Variants in PRKCH observed in about 807,000 individuals in gnomAD.
The protein encoded by PRKCH is protein kinase C eta type.
In PRKCH, 28 loss-of-function variants were observed where a neutral mutation model predicts 82.5. The observed-to-expected ratio is 0.34, with a 90% CI of 0.25 to 0.47. The LOEUF is 0.47. PRKCH is among the 20% of genes least tolerant of loss of function. The pLI is 1.00. For synonymous variants in PRKCH, 322 were observed against 327.4 expected (o/e 0.98, Z 0.18); for missense variants, 705 against 881.8 (o/e 0.80, Z 2.54).
intron 1 of PRKCH, among the ~76,000 whole-genome samples, chr14:61,386,009 C>T (rs886949733): frequency 5.9e-5 from 9 of 152,198 alleles, no homozygotes; most frequent in Admixed American, 4.6e-4. Flanking sequence ...CCAGAAAGAT[C>T]ACATACCCCA....
rs2045250410 is a variant in PRKCH, at chr14:61,280,591, T to C, written c.-19+92923T>C. The C allele has an allele frequency of 6.3e-7, 1 of 1,595,866 alleles. No homozygotes were observed. Among genetic ancestry groups the C allele is most frequent in the Non-Finnish European group, 8.5e-7 (1 of 1,171,542 alleles). On this transcript the variant is annotated intron_variant, in intron 1 of 3. Transcript: ENST00000555185. The surrounding 1 kb of genome is among the most constrained non-coding windows in gnomAD (Gnocchi z 5.0). Reference sequence around the variant, plus strand: ...GGAGCGGTCGAGCGGCACCTCGACGTAGGGCCCGCCGGGCTGGCGCTGGTG... The same window carrying C: ...GGAGCGGTCGAGCGGCACCTCGACGCAGGGCCCGCCGGGCTGGCGCTGGTG...
At chr14:61,248,748 T>TTATG (rs57245411) in intron 1 of PRKCH, among the ~76,000 whole-genome samples, 7 of 141,920 alleles carry the variant, frequency 4.9e-5, no homozygotes, top group African/African-American at 1.6e-4. Flanking sequence ...TTCAATGGTT[T>TTATG]TATGTATGTA....
At chr14:61,453,775 TC>T (rs1884631058) in intron 7 of PRKCH, among the ~76,000 whole-genome samples, 1 of 152,050 alleles carries the variant, frequency 6.6e-6, no homozygotes, top group Non-Finnish European at 1.5e-5. Context: ...TACCTCAGTC[TC>T]CCAAGTAGGT....
chr14:61,275,665 T>A (rs1053706657), intron 1 of PRKCH, among the ~76,000 whole-genome samples: 19 of 152,202 alleles, frequency 1.2e-4, no homozygotes, highest in African/African-American at 4.3e-4. Context: ...GTCCTGGTGG[T>A]GAGCCATGCC....
intron 1 of PRKCH, among the ~76,000 whole-genome samples, chr14:61,210,111 A>ATATATATATAT (rs2044559213): frequency 1.1e-5 from 1 of 87,362 alleles, no homozygotes; most frequent in Non-Finnish European, 2.5e-5. Flanking sequence ...CAAACAAACA[A>ATATATATATAT]ATATATATAT....
chr14:61,355,557 A>T (rs2046137014), intron 1 of PRKCH, among the ~76,000 whole-genome samples: 1 of 151,896 alleles, frequency 6.6e-6, no homozygotes, highest in Non-Finnish European at 1.5e-5. Flanking sequence ...ATGATCATCA[A>T]ATAAATATTT....
chr14:61,438,225 T>G lies in PRKCH; in HGVS notation c.428-4886T>G, dbSNP rs749344350. On this transcript the variant is annotated intron_variant, in intron 2 of 13. Transcript: ENST00000332981. ...CACAGCCTCAACCACCAAACTCTCT[T>G]GTCTGTCGTCATATAGAAGGCTGTT... is the stretch of plus-strand genomic sequence containing the variant. Among the ~76,000 whole-genome samples, 97 of 152,238 alleles carry G rather than the reference T, an allele frequency of 6.4e-4. 1 individual carries two copies. The highest frequency in any genetic ancestry group is 3.4e-3 in the Middle Eastern group (1 of 294).
At chr14:61,287,825 G>A (rs1421372340) in intron 1 of PRKCH, among the ~76,000 whole-genome samples, 1 of 152,074 alleles carries the variant, frequency 6.6e-6, no homozygotes, top group African/African-American at 2.4e-5. Context: ...TGTCTGTGGA[G>A]CCAGCCAATC....
chr14:61,435,631 A>C (rs1217343821), intron 2 of PRKCH, among the ~76,000 whole-genome samples: 1 of 152,186 alleles, frequency 6.6e-6, no homozygotes, highest in Admixed American at 6.5e-5. Flanking sequence ...GCTTGAGTCC[A>C]GAAGCTGTTT....
chr14:61,323,509 T>A (rs1243251624), intron 1 of PRKCH, among the ~76,000 whole-genome samples: 1 of 152,196 alleles, frequency 6.6e-6, no homozygotes, highest in Non-Finnish European at 1.5e-5. Flanking sequence ...TTGAACCCAA[T>A]ATCAGTATTG....
In PRKCH at chr14:61,440,499, C is replaced by G. The variant is rs10136457; in HGVS notation, c.428-2612C>G. ...GGTGTCTTGGCCAAATTCATTTGGA[C>G]TCTTTCTGCATTTCACTCTTTGAGA... On this transcript the variant is annotated intron_variant, in intron 2 of 13. Transcript: ENST00000332981. Among the ~76,000 whole-genome samples the G allele has an allele frequency of 5.6e-3, 851 of 152,340 alleles. 6 individuals carry two copies. Among genetic ancestry groups the G allele is most frequent in the African/African-American group, 0.02 (813 of 41,576 alleles).
rs2352087 is a variant in PRKCH, at chr14:61,417,748, T to C, written c.428-25363T>C. On this transcript the variant is annotated intron_variant, in intron 2 of 13. Coordinates refer to ENST00000332981, the MANE Select transcript of PRKCH (RefSeq NM_006255.5). ...AATGGTCCTAATAGACTGTTTCCTTTAAAAAAAGAAAGAAAGAGGAGCCTG... is the reference window on the plus strand; with the variant it reads ...AATGGTCCTAATAGACTGTTTCCTTCAAAAAAAGAAAGAAAGAGGAGCCTG... 3.3e-3 allele frequency among the ~76,000 whole-genome samples: 497 copies of C among 152,252 alleles called. 2 individuals are homozygous for C. The highest frequency in any genetic ancestry group is 0.012 in the African/African-American group (485 of 41,534).
chr14:61,493,067 A>G (rs990525763), intron 10 of PRKCH, among the ~76,000 whole-genome samples: 3 of 152,208 alleles, frequency 2.0e-5, no homozygotes, highest in African/African-American at 7.2e-5. Context: ...AGGCTAGAGG[A>G]GGCTGCAGAA....
Position 61,462,158 on chromosome 14 carries a change from G to A in PRKCH, c.1278+4479G>A, listed in dbSNP as rs574409804. Among the ~76,000 whole-genome samples, 6 of 152,334 alleles carry A rather than the reference G, an allele frequency of 3.9e-5. No homozygotes were observed. The South Asian group carries it at 8.3e-4, about 21-fold the overall frequency. On this transcript the variant is annotated intron_variant, in intron 9 of 13. Transcript: ENST00000332981. ...GGCGCAGGCAGCACTTTGGGAGGCC[G>A]AGGTGGGGCAATCACTTGAGCCTAA... is the stretch of plus-strand genomic sequence containing the variant.
At chr14:61,218,095 A>G (rs368605749) in intron 1 of PRKCH, among the ~76,000 whole-genome samples, 4 of 152,102 alleles carry the variant, frequency 2.6e-5, no homozygotes, top group Non-Finnish European at 5.9e-5. Flanking sequence ...TTTCATTTCT[A>G]TTCTCTAGTT....
intron 9 of PRKCH, among the ~76,000 whole-genome samples, chr14:61,475,349 G>C (rs1203242834): frequency 6.6e-6 from 1 of 152,164 alleles, no homozygotes; most frequent in African/African-American, 2.4e-5. Context: ...TCTTCTTTGT[G>C]ACTCTTAAGT....
At chr14:61,265,814 G>C (rs1357920805) in intron 1 of PRKCH, among the ~76,000 whole-genome samples, 2 of 152,316 alleles carry the variant, frequency 1.3e-5, no homozygotes, top group South Asian at 2.1e-4. Context: ...AGAGCCCCCA[G>C]CTGGGTGCAG....
chr14:61,447,032 T>C (rs980884178), intron 4 of PRKCH, among the ~76,000 whole-genome samples: 3 of 152,214 alleles, frequency 2.0e-5, no homozygotes, highest in African/African-American at 7.2e-5. Context: ...GATGTCTCCC[T>C]AAGGCATATA....
chr14:61,517,452 G>C (rs750615078), intron 10 of PRKCH, among the ~76,000 whole-genome samples: 18 of 152,204 alleles, frequency 1.2e-4, no homozygotes, highest in Non-Finnish European at 2.6e-4. Context: ...CCATTAGAGG[G>C]GACCAGGATG....
Sources: gnomAD v4.1 joint callset for allele counts (sites outside exome capture counted in the v4.1 genomes callset) on GRCh38, gnomAD v4.1.1 for gene constraint, Gnocchi (gnomAD v3.1) non-coding constraint, MANE v1.5 for transcripts, NCBI Gene and HGNC (gene_info 2026-07-23, HGNC 2026-07-21) for gene names.